MTSS1: variants seen among roughly 807,000 people sequenced by gnomAD.
The protein encoded by MTSS1 is protein MTSS 1.
Under a neutral mutation model 79.0 loss-of-function variants are expected in MTSS1, and 18 were observed. The ratio of observed to expected loss-of-function variants is 0.23; its 90% CI spans 0.16 to 0.34. The LOEUF (loss-of-function observed/expected upper bound fraction) is 0.34. Among genes scored for constraint, MTSS1 ranks in the 10% least tolerant of loss-of-function variants. MTSS1 has a pLI of 1.00. For missense variants in MTSS1, 815 were observed against 986.2 expected, an observed-to-expected ratio of 0.83 and a Z score of 2.33; for synonymous variants, 341 against 368.6, an observed-to-expected ratio of 0.93 and a Z score of 0.86.
chr8:124,690,475 C>T (rs563086064), intron 3 of MTSS1, among the ~76,000 whole-genome samples: 34 of 152,274 alleles, frequency 2.2e-4, no homozygotes, highest in African/African-American at 7.9e-4. Flanking sequence ...TGTGGGATTC[C>T]GGTGAGTTCA....
intron 3 of MTSS1, among the ~76,000 whole-genome samples, chr8:124,592,065 C>T (rs1831974100): frequency 6.6e-6 from 1 of 152,152 alleles, no homozygotes; most frequent in East Asian, 1.9e-4. Flanking sequence ...AGATTACAGG[C>T]GTGAGCCACC....
At chr8:124,721,317 G>T (rs1050362438) in intron 1 of MTSS1, among the ~76,000 whole-genome samples, 1 of 150,880 alleles carries the variant, frequency 6.6e-6, no homozygotes, top group African/African-American at 2.4e-5. Context: ...AAATCACAAC[G>T]GACAGAATCA....
chr8:124,628,992 G>T (rs145887575), intron 3 of MTSS1, among the ~76,000 whole-genome samples: 110 of 152,252 alleles, frequency 7.2e-4, no homozygotes, highest in Middle Eastern at 3.4e-3. Flanking sequence ...TTCCCAAGAG[G>T]GTCCTTGGGG....
intron 11 of MTSS1, chr8:124,556,665 G>A (rs1415012210): frequency 8.0e-6 from 4 of 501,048 alleles, no homozygotes. Context: ...GGTGGCAGCA[G>A]GAGACCCGGC....
intron 3 of MTSS1, among the ~76,000 whole-genome samples, chr8:124,650,346 A>G (rs1242975751): frequency 1.3e-5 from 2 of 152,044 alleles, no homozygotes; most frequent in African/African-American, 4.8e-5. Flanking sequence ...TTATGTTTTA[A>G]AGGGCTGTGA....
At chr8:124,629,889 TCA>T (rs1395022789) in intron 3 of MTSS1, among the ~76,000 whole-genome samples, 2 of 152,150 alleles carry the variant, frequency 1.3e-5, no homozygotes, top group African/African-American at 2.4e-5. Flanking sequence ...TAAAAACATA[TCA>T]CACACACCGT....
chr8:124,557,907 GAA>G lies in MTSS1; in HGVS notation c.1036-34_1036-33del, dbSNP rs560196530. 14 of 1,496,824 alleles carry G rather than the reference GAA, an allele frequency of 9.4e-6. No individual in the cohort carries two copies. In the East Asian group the frequency reaches 2.9e-4, roughly 31 times the overall value. 92.7% of individuals were successfully genotyped at this position (1,496,824 alleles called of 1,614,324 possible). A position where few individuals can be genotyped will look rare whatever the true frequency, so the allele number is the denominator to read the frequency against. On this transcript the variant is annotated intron_variant, in intron 10 of 13. Coordinates refer to ENST00000518547, the MANE Select transcript of MTSS1 (RefSeq NM_014751.6). ...ACAAACAAAAAAAGGGGGGGGGAAG[GAA>G]AAAAAATTAATATAACAGGATGAGT... is the stretch of plus-strand genomic sequence containing the variant.
chr8:124,597,010 G>A lies in MTSS1; in HGVS notation c.209-5775C>T, dbSNP rs1329751721. ...TGTGTCCAAATGGTCACATTCCCGG[G>A]CGCCAGGGATTAGGACATCAACCTA... On this transcript the variant is annotated intron_variant, in intron 3 of 13. Transcript: ENST00000518547. The surrounding 1 kb of genome is among the most constrained non-coding windows in gnomAD (Gnocchi z 4.6). Among the ~76,000 whole-genome samples the A allele has an allele frequency of 1.3e-5, 2 of 152,008 alleles. No individual in the cohort carries two copies. The highest frequency in any genetic ancestry group is 4.8e-5 in the African/African-American group (2 of 41,380).
intron 3 of MTSS1, among the ~76,000 whole-genome samples, chr8:124,636,109 G>A (rs986170757): frequency 5.9e-5 from 9 of 152,118 alleles, no homozygotes; most frequent in African/African-American, 2.2e-4. Flanking sequence ...ATGGGTTCCT[G>A]TGCTGGAACC....
intron 6 of MTSS1, chr8:124,580,567 C>CCG: frequency 1.3e-6 from 2 of 1,535,446 alleles, no homozygotes; most frequent in Non-Finnish European, 1.7e-6. Flanking sequence ...TGTCCACTGG[C>CCG]GGGGGGGCAC....
intron 3 of MTSS1, among the ~76,000 whole-genome samples, chr8:124,687,045 A>G (rs1827098217): frequency 6.6e-6 from 1 of 152,232 alleles, no homozygotes; most frequent in Non-Finnish European, 1.5e-5. Context: ...CCCCAACAGC[A>G]GAGGACCCAC....
intron 3 of MTSS1, among the ~76,000 whole-genome samples, chr8:124,598,133 A>C (rs964352426): frequency 2.0e-5 from 3 of 152,056 alleles, no homozygotes; most frequent in African/African-American, 7.2e-5. Flanking sequence ...CAAATAAATT[A>C]ATAAATAAAT....
At chr8:124,638,280 G>A (rs893068488) in intron 3 of MTSS1, among the ~76,000 whole-genome samples, 8 of 152,208 alleles carry the variant, frequency 5.3e-5, no homozygotes, top group African/African-American at 9.7e-5. Context: ...TTAAAGTCAG[G>A]AAACTGCAGT....
At chr8:124,657,018 AG>A (rs1224048066) in intron 3 of MTSS1, among the ~76,000 whole-genome samples, 1 of 152,202 alleles carries the variant, frequency 6.6e-6, no homozygotes, top group African/African-American at 2.4e-5. Context: ...ACTAAATTAA[AG>A]GAACATATGA....
chr8:124,695,956 A>G (rs1828748592), intron 3 of MTSS1, among the ~76,000 whole-genome samples: 2 of 151,758 alleles, frequency 1.3e-5, no homozygotes, highest in Non-Finnish European at 2.9e-5. Flanking sequence ...GGGGCGGGGA[A>G]GTGGGGAGGA....
chr8:124,613,799 C>T (rs1449851173), intron 3 of MTSS1, among the ~76,000 whole-genome samples: 2 of 152,212 alleles, frequency 1.3e-5, no homozygotes, highest in Non-Finnish European at 2.9e-5. Flanking sequence ...TGCCCCATCC[C>T]TTTCTTTCCT....
intron 6 of MTSS1, among the ~76,000 whole-genome samples, chr8:124,570,768 T>C: frequency 6.6e-6 from 1 of 152,182 alleles, no homozygotes; most frequent in East Asian, 1.9e-4. Flanking sequence ...AGTGGAATGA[T>C]CATAGCTCAT....
chr8:124,593,357 TC>T (rs1195831182), intron 3 of MTSS1, among the ~76,000 whole-genome samples: 5 of 152,236 alleles, frequency 3.3e-5, no homozygotes, highest in Admixed American at 2.6e-4. Context: ...GTAGCGTCTA[TC>T]AAGAAAAGCC....
At chr8:124,716,067 G>A (rs1421216340) in intron 1 of MTSS1, among the ~76,000 whole-genome samples, 1 of 152,238 alleles carries the variant, frequency 6.6e-6, no homozygotes, top group Non-Finnish European at 1.5e-5. Context: ...CTATGCGCAG[G>A]CACTGAGTGA....
Sources: allele counts gnomAD v4.1 joint callset (sites outside exome capture counted in the v4.1 genomes callset), GRCh38; gene constraint gnomAD v4.1.1; non-coding constraint Gnocchi (gnomAD v3.1); transcripts MANE v1.5; gene names NCBI Gene and HGNC (gene_info 2026-07-23, HGNC 2026-07-21).